CPNE2: variants seen among roughly 807,000 people sequenced by gnomAD.
CPNE2 encodes copine-2.
CPNE2 carries 42 observed loss-of-function variants against 69.7 expected under a neutral mutation model. The observed-to-expected ratio is 0.60, with a 90% CI of 0.47 to 0.78. The LOEUF (loss-of-function observed/expected upper bound fraction) is 0.78. Among genes scored for constraint, CPNE2 ranks in the 30% least tolerant of loss-of-function variants. CPNE2 has a pLI of 0.00. For missense variants in CPNE2, 587 were observed against 732.0 expected (o/e 0.80, Z 2.29); for synonymous variants, 294 against 289.8 (o/e 1.01, Z -0.15).
chr16:57,111,137 A>G (rs2069678990), intron 2 of CPNE2, among the ~76,000 whole-genome samples: 1 of 151,660 alleles, frequency 6.6e-6, no homozygotes, highest in Non-Finnish European at 1.5e-5. Flanking sequence ...TACAATTAAA[A>G]TCTATAGATT....
chr16:57,136,768 GCCAGGTGTGGTGGCACATGCCTGTAGTC>G (rs1481857907), intron 13 of CPNE2, among the ~76,000 whole-genome samples: 3 of 152,156 alleles, frequency 2.0e-5, no homozygotes, highest in Non-Finnish European at 4.4e-5. Flanking sequence ...ACAAAAATTA[GCCAGGTGTGGTGGCACATGCCTGTAGTC>G]CCAGCTACTC....
intron 4 of CPNE2, among the ~76,000 whole-genome samples, chr16:57,116,066 C>T (rs291053): frequency 0.74 from 113,109 of 151,894 alleles, 42,383 homozygotes; most frequent in East Asian, 0.94. Flanking sequence ...TGAGCCCACG[C>T]GATGCCTGGG....
chr16:57,126,388 C>T (rs905022232), intron 11 of CPNE2, among the ~76,000 whole-genome samples: 6 of 152,194 alleles, frequency 3.9e-5, no homozygotes, highest in Non-Finnish European at 8.8e-5. Flanking sequence ...ATTCTGGTTC[C>T]TGGGCCTGGC....
chr16:57,142,210 AG>A (rs2069927373), intron 14 of CPNE2: 1 of 152,382 alleles, frequency 6.6e-6, no homozygotes, highest in African/African-American at 2.4e-5. Flanking sequence ...AGCAGGAGGC[AG>A]GGAGACTAAG....
chr16:57,102,865 G>A (rs1333293173), intron 1 of CPNE2, among the ~76,000 whole-genome samples: 1 of 152,108 alleles, frequency 6.6e-6, no homozygotes, highest in African/African-American at 2.4e-5. Flanking sequence ...GCCTCCCCAA[G>A]TGCTGGGATT....
At position 57,114,934 on chromosome 16, in the gene CPNE2, CAA is replaced by C. The variant is rs55845635; in HGVS notation, c.361-517_361-516del. 1.3e-4 allele frequency among the ~76,000 whole-genome samples: 5 copies of C among 39,070 alleles called. No homozygotes were observed. The South Asian group carries it at 3.5e-3, about 27-fold the overall frequency. The allele number at this position is 39,070 out of a possible 152,430, so 25.6% of individuals were successfully genotyped here. A position where few individuals can be genotyped will look rare whatever the true frequency, so the allele number is the denominator to read the frequency against. On this transcript the variant is annotated intron_variant, in intron 3 of 15. Coordinates refer to ENST00000290776, the MANE Select transcript of CPNE2 (RefSeq NM_152727.6). Reference sequence around the variant, plus strand: ...CAACATAATGAGCCCTTGTCTCTACCAAAAAAAAAAAAAAAAAAAAAAAAAAG... The same window carrying C: ...CAACATAATGAGCCCTTGTCTCTACCAAAAAAAAAAAAAAAAAAAAAAAAG...
At chr16:57,126,188 C>T (rs1032131801) in intron 11 of CPNE2, among the ~76,000 whole-genome samples, 195 bp downstream of exon 11, 3 of 152,208 alleles carry the variant, frequency 2.0e-5, no homozygotes, top group South Asian at 2.1e-4. Context: ...ACCTGCCAAG[C>T]GCAGATTCAA....
chr16:57,136,968 C>G (rs1402660486), intron 13 of CPNE2, among the ~76,000 whole-genome samples, 181 bp from the exon 14 acceptor site: 1 of 152,256 alleles, frequency 6.6e-6, no homozygotes, highest in Admixed American at 6.5e-5. Context: ...ATTCAGGGCT[C>G]TTGGCTTTTT....
chr16:57,117,625 G>A, intron 5 of CPNE2, 58 bp downstream of exon 5: 1 of 1,587,342 alleles, frequency 6.3e-7, no homozygotes, highest in African/African-American at 1.3e-5. Flanking sequence ...CAGCCCCAGG[G>A]CTGTGTGGCC....
chr16:57,145,981 A>C, intron 14 of CPNE2, 104 bp from the exon 15 acceptor site: 1 of 962,162 alleles, frequency 1.0e-6, no homozygotes, highest in Admixed American at 2.1e-5. Context: ...GGTAAGATGC[A>C]CTGCCTTCCT....
At chr16:57,100,552 C>CA (rs1414029134) in intron 1 of CPNE2, among the ~76,000 whole-genome samples, 1 of 152,196 alleles carries the variant, frequency 6.6e-6, no homozygotes, top group African/African-American at 2.4e-5. Context: ...TGTCCAGAGT[C>CA]ACATTAGTGG....
intron 14 of CPNE2, among the ~76,000 whole-genome samples, chr16:57,139,575 T>C (rs2069906661): frequency 6.6e-6 from 1 of 152,212 alleles, no homozygotes; most frequent in South Asian, 2.1e-4. Context: ...CTGAATCCCT[T>C]CCCAAAGTTA....
rs756953307 is a variant in CPNE2, at chr16:57,147,674, A to G, written c.*16A>G. 117 of 1,573,360 alleles carry G rather than the reference A, an allele frequency of 7.4e-5. No homozygotes were observed. Among genetic ancestry groups the G allele is most frequent in the Non-Finnish European group, 9.7e-5 (112 of 1,149,938 alleles). ...GCCCGCCTGAGCTCCAGTGCCCAGC[A>G]GCAGCATGTCAGCTGAGCCTCCTGC... On this transcript the variant is annotated 3_prime_UTR_variant, in exon 16 of 16. Coordinates refer to ENST00000290776, the MANE Select transcript of CPNE2 (RefSeq NM_152727.6).
intron 14 of CPNE2, chr16:57,143,400 T>C (rs1567328969): frequency 6.6e-6 from 1 of 152,302 alleles, no homozygotes; most frequent in Non-Finnish European, 1.5e-5. Context: ...ATCCTGGATA[T>C]TCAGGCCCTC....
chr16:57,119,549 T>C lies in CPNE2; in HGVS notation c.592-12T>C, dbSNP rs765314390. The C allele has an allele frequency of 3.1e-6, 5 of 1,609,070 alleles. No homozygotes were observed. In the South Asian group the frequency reaches 5.5e-5, roughly 18 times the overall value. The stretch of plus-strand genomic sequence containing the variant: ...AGGGCCTGAGCTCACAGCATCCCTC[T>C]CTGTCCCACAGGTGATCAAGTACAC... On this transcript the variant is annotated splice_polypyrimidine_tract_variant and intron_variant, in intron 6 of 15. Transcript: ENST00000290776.
intron 1 of CPNE2, among the ~76,000 whole-genome samples, chr16:57,098,725 C>A (rs898985549): frequency 4.6e-5 from 7 of 152,196 alleles, no homozygotes; most frequent in African/African-American, 1.7e-4. Context: ...TTTCACTCTT[C>A]CTCATTTTCA....
intron 1 of CPNE2, chr16:57,094,056 C>T (rs754479974): frequency 1.3e-5 from 6 of 456,554 alleles, no homozygotes; most frequent in Non-Finnish European, 2.2e-5. Flanking sequence ...AGCATGAAGG[C>T]GTGGTTTTAT....
At chr16:57,144,087 G>C (rs1167429349) in intron 14 of CPNE2, 1 of 152,350 alleles carries the variant, frequency 6.6e-6, no homozygotes, top group African/African-American at 2.4e-5. Flanking sequence ...AGGGGCCCAG[G>C]AACAGTGGTG....
intron 8 of CPNE2, among the ~76,000 whole-genome samples, 162 bp downstream of exon 8, chr16:57,121,353 G>A (rs2069760767): frequency 6.6e-6 from 1 of 152,198 alleles, no homozygotes; most frequent in Non-Finnish European, 1.5e-5. Flanking sequence ...CTGTCAATGG[G>A]GGCAGAGGAT....
Sources: gnomAD v4.1 joint callset for allele counts (sites outside exome capture counted in the v4.1 genomes callset) on GRCh38, gnomAD v4.1.1 for gene constraint, MANE v1.5 for transcripts, NCBI Gene and HGNC (gene_info 2026-07-23, HGNC 2026-07-21) for gene names.